The following ICA1 variants were observed in gnomAD, a reference collection of about 807,000 sequenced individuals.
ICA1 encodes the protein 69 kDa islet cell autoantigen.
Under a neutral mutation model 71.0 loss-of-function variants are expected in ICA1, and 40 were observed. The observed-to-expected ratio is 0.56, with a 90% CI of 0.44 to 0.73. The LOEUF is 0.73. Ranked by LOEUF, ICA1 falls within the 30% of genes least tolerant of loss-of-function variation. The pLI, the probability that ICA1 is intolerant of heterozygous loss-of-function variation, is 0.00. For synonymous variants in ICA1, 207 were observed against 209.5 expected, an observed-to-expected ratio of 0.99 and a Z score of 0.10; for missense variants, 578 against 576.5, an observed-to-expected ratio of 1.00 and a Z score of -0.03.
intron 12 of ICA1, among the ~76,000 whole-genome samples, chr7:8,136,709 C>G (rs1445130048): frequency 6.6e-6 from 1 of 152,188 alleles, no homozygotes; most frequent in African/African-American, 2.4e-5. Context: ...ATACTTCTGC[C>G]TGAGAACAAC....
intron 1 of ICA1, among the ~76,000 whole-genome samples, chr7:8,237,854 C>T (rs1423815274): frequency 7.3e-6 from 1 of 136,228 alleles, no homozygotes; most frequent in African/African-American, 3.2e-5. Context: ...ACACACACAC[C>T]ATTTTCTTTA....
At chr7:8,185,878 T>C (rs949694816) in intron 6 of ICA1, among the ~76,000 whole-genome samples, 2 of 152,224 alleles carry the variant, frequency 1.3e-5, no homozygotes, top group African/African-American at 4.8e-5. Context: ...CAAGAACTGA[T>C]GTCTGTTATT....
At chr7:8,196,848 T>C (rs1037101079) in intron 6 of ICA1, among the ~76,000 whole-genome samples, 1 of 152,132 alleles carries the variant, frequency 6.6e-6, no homozygotes, top group Non-Finnish European at 1.5e-5. Flanking sequence ...CATACTTTTC[T>C]TGTGGTAGTG....
Position 8,132,591 on chromosome 7 carries a change from C to T in ICA1, c.1061-4449G>A, listed in dbSNP as rs1791880702. Among the ~76,000 whole-genome samples, 1 of 152,216 alleles carries T rather than the reference C, an allele frequency of 6.6e-6. No homozygotes were observed. ...TACCTGTACAGCATCATTTGTACCA[C>T]TGCCCAGCCTGGAAATGCTGCTATC... On this transcript the variant is annotated intron_variant, in intron 12 of 13. Transcript: ENST00000402384. This position sits in a 1 kb window ranked among gnomAD's most constrained non-coding sequence, Gnocchi z 4.5.
chr7:8,250,505 C>G, intron 1 of ICA1, among the ~76,000 whole-genome samples: 1 of 152,118 alleles, frequency 6.6e-6, no homozygotes, highest in East Asian at 1.9e-4. Flanking sequence ...TTTCCTACCT[C>G]TGAGATATCA....
Position 8,145,764 on chromosome 7 carries a change from A to ATATATATATATATATATG in ICA1, c.805-1793_805-1792insCATATATATATATATATA, listed in dbSNP as rs55971486. Reference sequence around the variant, plus strand: ...AATCATTGTGTATATATATATATATATATGTATATAAAATATATAGAGAGA... The same window carrying ATATATATATATATATATG: ...AATCATTGTGTATATATATATATATATATATATATATATATATGTATGTATATAAAATATATAGAGAGA... On this transcript the variant is annotated intron_variant, in intron 8 of 13. Coordinates refer to ENST00000402384, the MANE Select transcript of ICA1 (RefSeq NM_001136020.3). Among the ~76,000 whole-genome samples the ATATATATATATATATATG allele has an allele frequency of 6.3e-3, 862 of 136,240 alleles. 56 individuals carry two copies. Among genetic ancestry groups the ATATATATATATATATATG allele is most frequent in the Middle Eastern group, 0.027 (7 of 256 alleles). 89.4% of individuals were successfully genotyped at this position (136,240 alleles called of 152,430 possible).
At chr7:8,205,563 G>C (rs548449951) in intron 6 of ICA1, among the ~76,000 whole-genome samples, 1 of 152,310 alleles carries the variant, frequency 6.6e-6, no homozygotes, top group South Asian at 2.1e-4. Flanking sequence ...AGACCCTTAT[G>C]AGAGTATTAA....
intron 1 of ICA1, among the ~76,000 whole-genome samples, chr7:8,261,068 A>G (rs1418449678): frequency 6.6e-6 from 1 of 152,200 alleles, no homozygotes; most frequent in African/African-American, 2.4e-5. Context: ...AGCTGGTGAC[A>G]TATTTTCCAG....
intron 6 of ICA1, among the ~76,000 whole-genome samples, chr7:8,206,733 G>GAAAAAAA (rs60704635): frequency 2.4e-4 from 33 of 135,610 alleles, no homozygotes; most frequent in African/African-American, 8.2e-4. Context: ...GGTTTAAAAT[G>GAAAAAAA]AAAAAAAAAA....
chr7:8,168,029 AG>A (rs372085241), intron 6 of ICA1, among the ~76,000 whole-genome samples: 1 of 148,476 alleles, frequency 6.7e-6, no homozygotes, highest in Non-Finnish European at 1.5e-5. Flanking sequence ...AGAGAAAAAG[AG>A]GGAGAGAGAG....
At position 8,114,022 on chromosome 7, in the gene ICA1, G is replaced by C. The variant is rs1783965853; in HGVS notation, c.1353C>G (p.Asp451Glu). 3.1e-6 allele frequency: 5 copies of C among 1,614,174 alleles called. No individual in the cohort carries two copies. Among genetic ancestry groups the C allele is most frequent in the Non-Finnish European group, 4.2e-6 (5 of 1,180,014 alleles). The change falls in exon 14 of 14, where the codon GAC becomes GAG. Residue 451 changes from aspartate (D) to glutamate (E), a missense_variant. Physicochemically the swap from Asp to Glu is conservative, Grantham distance 45. Transcript: ENST00000402384. ...SLQEPAKAAS[D>E]LTAWFSLFAD... ...CGAAGAGGCTGAACCAGGCAGTCAG[G>C]TCTGAGGCAGCCTTAGCAGGTTCTG...
intron 8 of ICA1, among the ~76,000 whole-genome samples, chr7:8,149,487 T>C (rs1186212755): frequency 1.3e-5 from 2 of 152,216 alleles, no homozygotes; most frequent in African/African-American, 4.8e-5. Context: ...AGATCGAGCT[T>C]GCAAAAGTGT....
chr7:8,256,629 T>A (rs1201096936), intron 1 of ICA1, among the ~76,000 whole-genome samples: 1 of 152,156 alleles, frequency 6.6e-6, no homozygotes, highest in East Asian at 1.9e-4. Flanking sequence ...ACTCCAGACC[T>A]CCCCACTGAA....
At chr7:8,142,311 C>T (rs1446397646) in intron 9 of ICA1, among the ~76,000 whole-genome samples, 2 of 152,212 alleles carry the variant, frequency 1.3e-5, no homozygotes, top group Non-Finnish European at 2.9e-5. Context: ...CATCACTGCC[C>T]TTGAGATTCA....
Position 8,144,047 on chromosome 7 carries a change from G to T in ICA1, c.805-75C>A, listed in dbSNP as rs1048930092. On this transcript the variant is annotated intron_variant, in intron 8 of 13. Transcript: ENST00000402384. This position sits in a 1 kb window ranked among gnomAD's most constrained non-coding sequence, Gnocchi z 4.5. ...ATAGAGACAAAAAAAAGAAAAGAAAGGTTATCAATTAAAAAATTCAACTGC... is the reference window on the plus strand; with the variant it reads ...ATAGAGACAAAAAAAAGAAAAGAAATGTTATCAATTAAAAAATTCAACTGC... The T allele has an allele frequency of 1.2e-6, 1 of 868,758 alleles. No individual in the cohort carries two copies. Among genetic ancestry groups the T allele is most frequent in the Non-Finnish European group, 1.8e-6 (1 of 562,210 alleles). 53.8% of individuals were successfully genotyped at this position (868,758 alleles called of 1,614,324 possible).
chr7:8,129,425 C>T (rs1354338687), intron 12 of ICA1, among the ~76,000 whole-genome samples: 1 of 150,932 alleles, frequency 6.6e-6, no homozygotes, highest in African/African-American at 2.4e-5. Flanking sequence ...TATTTTCAAT[C>T]ACACTTTACA....
At chr7:8,179,880 T>C (rs1295107945) in intron 6 of ICA1, among the ~76,000 whole-genome samples, 1 of 152,194 alleles carries the variant, frequency 6.6e-6, no homozygotes, top group Non-Finnish European at 1.5e-5. Flanking sequence ...CCTGATTATA[T>C]GGTCCTTTTC....
rs189348033 is a variant in ICA1, at chr7:8,258,938, G to A, written c.-80+3156C>T. Among the ~76,000 whole-genome samples, 5 of 152,306 alleles carry A rather than the reference G, an allele frequency of 3.3e-5. No homozygotes were observed. In the East Asian group the frequency reaches 9.6e-4, roughly 29 times the overall value. ...ATCTACTTATCTCAAAGGGGGTTGA[G>A]TATCACATAAGATCATAGTTGCCAA... On this transcript the variant is annotated intron_variant, in intron 1 of 13. Coordinates refer to ENST00000402384, the MANE Select transcript of ICA1 (RefSeq NM_001136020.3).
At chr7:8,181,880 T>C (rs1407906054) in intron 6 of ICA1, among the ~76,000 whole-genome samples, 1 of 152,146 alleles carries the variant, frequency 6.6e-6, no homozygotes, top group Admixed American at 6.5e-5. Context: ...ATTATCTGAG[T>C]GTTCCAGTCT....
Sources: gnomAD v4.1 joint callset for allele counts (sites outside exome capture counted in the v4.1 genomes callset) on GRCh38, gnomAD v4.1.1 for gene constraint, Gnocchi (gnomAD v3.1) non-coding constraint, MANE v1.5 for transcripts, NCBI Gene and HGNC (gene_info 2026-07-23, HGNC 2026-07-21) for gene names.